Variants in NCAPG2 observed in about 807,000 individuals in gnomAD.
NCAPG2 encodes non-SMC condensin II complex subunit G2.
NCAPG2 carries 53 observed loss-of-function variants against 141.1 expected under a neutral mutation model. The ratio of observed to expected loss-of-function variants is 0.38; its 90% CI spans 0.30 to 0.47. The LOEUF (loss-of-function observed/expected upper bound fraction) is 0.47. NCAPG2 is among the 20% of genes least tolerant of loss of function. The pLI, the probability that NCAPG2 is intolerant of heterozygous loss-of-function variation, is 0.99. For synonymous variants in NCAPG2, 499 were observed against 490.7 expected, an observed-to-expected ratio of 1.02 and a Z score of -0.22; for missense variants, 1,087 against 1,389.0, an observed-to-expected ratio of 0.78 and a Z score of 3.46.
At position 158,693,181 on chromosome 7, in the gene NCAPG2, A is replaced by C. The variant is rs1420098051; in HGVS notation, c.267+128T>G. On this transcript the variant is annotated intron_variant, in intron 3 of 27. Coordinates refer to ENST00000356309, the MANE Select transcript of NCAPG2 (RefSeq NM_017760.7). ...AAGTGAATAAAACTACAACAGACTA[A>C]ACTTCTAAAATTCTTGACTTCTAAC... 3.9e-5 allele frequency: 41 copies of C among 1,051,856 alleles called. 1 individual carries two copies. The highest frequency in any genetic ancestry group is 7.7e-5 in the East Asian group (3 of 39,068). The allele number at this position is 1,051,856 out of a possible 1,614,324, so 65.2% of individuals were successfully genotyped here.
intron 13 of NCAPG2, chr7:158,668,580 G>A: frequency 2.8e-6 from 1 of 357,146 alleles, no homozygotes; most frequent in African/African-American, 2.2e-5. Flanking sequence ...GATAAAACAA[G>A]ATCGGACATA....
intron 9 of NCAPG2, among the ~76,000 whole-genome samples, chr7:158,681,110 C>T (rs1415229716): frequency 6.6e-6 from 1 of 152,154 alleles, no homozygotes; most frequent in Non-Finnish European, 1.5e-5. Flanking sequence ...AGCCACATAA[C>T]CTCAAAAAAA....
chr7:158,637,169 G>A (rs1490766591), intron 27 of NCAPG2, among the ~76,000 whole-genome samples: 8 of 152,042 alleles, frequency 5.3e-5, no homozygotes, highest in African/African-American at 9.7e-5. Flanking sequence ...GGATGGTCTC[G>A]ATCTCCTGAC....
At chr7:158,650,779 C>T in intron 24 of NCAPG2, 53 bp downstream of exon 24, 1 of 1,544,478 alleles carries the variant, frequency 6.5e-7, no homozygotes, top group Non-Finnish European at 8.7e-7. Context: ...GTAGAAACAC[C>T]ATCTTGTGTC....
At chr7:158,672,096 C>T (rs1038241607) in intron 12 of NCAPG2, among the ~76,000 whole-genome samples, 14 of 151,758 alleles carry the variant, frequency 9.2e-5, no homozygotes, top group Admixed American at 8.5e-4. Flanking sequence ...GTGTGTGACT[C>T]GAACGCACTC....
intron 16 of NCAPG2, among the ~76,000 whole-genome samples, chr7:158,659,904 G>A (rs558963924): frequency 1.3e-5 from 2 of 152,208 alleles, no homozygotes; most frequent in Admixed American, 1.3e-4. Context: ...GAGGTCAGGA[G>A]ATCGAGACCA....
In NCAPG2 at chr7:158,631,702, T is replaced by TG; in HGVS notation, c.3395dup (p.Ser1133IlefsTer21). On this transcript the variant is annotated frameshift_variant, in exon 28 of 28. Coordinates refer to ENST00000356309, the MANE Select transcript of NCAPG2 (RefSeq NM_017760.7). LOFTEE classifies it high-confidence loss of function. ...AAAGTTCTCCCAGAGTTCTTGATGA[T>TG]GATTCATAGAGAAATCTGAAACACA... 6.2e-7 allele frequency: 1 copy of TG among 1,600,110 alleles called. No homozygotes were observed.
In NCAPG2 at chr7:158,670,300, TCA is replaced by T. The variant is rs761352833; in HGVS notation, c.1479+1212_1479+1213del. Among the ~76,000 whole-genome samples the T allele has an allele frequency of 1.0e-3, 156 of 152,302 alleles. 1 individual carries two copies. The highest frequency in any genetic ancestry group is 4.8e-3 in the Admixed American group (73 of 15,300). ...CCCATCATTGGCTGGGCACGGTGGC[TCA>T]CACCTGTAATCCCAGCACTTTGGGA... On this transcript the variant is annotated intron_variant, in intron 13 of 27. Coordinates refer to ENST00000356309, the MANE Select transcript of NCAPG2 (RefSeq NM_017760.7).
At chr7:158,679,368 G>T (rs924567332) in intron 11 of NCAPG2, among the ~76,000 whole-genome samples, 4 of 152,170 alleles carry the variant, frequency 2.6e-5, no homozygotes, top group African/African-American at 9.7e-5. Context: ...TAGATGAAAA[G>T]AATCCACAAT....
chr7:158,654,539 A>C, intron 22 of NCAPG2, 56 bp downstream of exon 22: 1 of 1,520,118 alleles, frequency 6.6e-7, no homozygotes, highest in Non-Finnish European at 9.0e-7. Context: ...TAAAGGAGGG[A>C]GGGAGGGAAG....
Position 158,655,127 on chromosome 7 carries a change from T to C in NCAPG2, c.2637A>G (p.Gln879=), listed in dbSNP as rs963162041. The C allele has an allele frequency of 4.3e-6, 7 of 1,609,206 alleles. No individual in the cohort carries two copies. The highest frequency in any genetic ancestry group is 2.7e-5 in the African/African-American group (2 of 74,608). The stretch of plus-strand genomic sequence containing the variant: ...TCTTAAGACTTCTAACCTGGATAAT[T>C]TGCTGATAAATGACCCTATGAAGCT... The part of the protein sequence containing the change: ...YLKLHRVIYQ[Q]IIQTYLTVCK... The change falls in exon 21 of 28, where the codon CAA becomes CAG. Residue 879 remains glutamine (Q), a synonymous_variant. Transcript: ENST00000356309.
intron 6 of NCAPG2, among the ~76,000 whole-genome samples, chr7:158,689,224 A>G (rs1426645450): frequency 2.6e-5 from 4 of 152,230 alleles, no homozygotes; most frequent in East Asian, 1.9e-4. Flanking sequence ...AATATTGTCT[A>G]TTATATTAAG....
At chr7:158,695,853 G>A (rs1018948206) in intron 2 of NCAPG2, among the ~76,000 whole-genome samples, 3 of 152,238 alleles carry the variant, frequency 2.0e-5, no homozygotes, top group Non-Finnish European at 4.4e-5. Context: ...TCCAGCCCCC[G>A]GATGCAGAAG....
chr7:158,676,430 A>G (rs1834055105), intron 11 of NCAPG2, among the ~76,000 whole-genome samples: 1 of 152,246 alleles, frequency 6.6e-6, no homozygotes, highest in Non-Finnish European at 1.5e-5. Flanking sequence ...CATGGGCCTT[A>G]GTTAGAGAAA....
chr7:158,670,154 T>C (rs1471962537), intron 13 of NCAPG2, among the ~76,000 whole-genome samples: 2 of 152,184 alleles, frequency 1.3e-5, no homozygotes, highest in Non-Finnish European at 2.9e-5. Context: ...GCATATGACA[T>C]TGGGTGTTAA....
At chr7:158,679,858 C>T in intron 11 of NCAPG2, 102 bp downstream of exon 11, 1 of 1,431,488 alleles carries the variant, frequency 7.0e-7, no homozygotes, top group Non-Finnish European at 9.4e-7. Context: ...GGGAGCAGAG[C>T]TCTGGCGGTT....
chr7:158,701,537 CA>C (rs1248968697), intron 2 of NCAPG2, among the ~76,000 whole-genome samples: 2 of 152,214 alleles, frequency 1.3e-5, no homozygotes, highest in South Asian at 2.1e-4. Context: ...CAAGTTCAAA[CA>C]CAACAAACCT....
intron 24 of NCAPG2, among the ~76,000 whole-genome samples, chr7:158,647,230 A>G (rs1374671356): frequency 6.6e-6 from 1 of 152,150 alleles, no homozygotes; most frequent in African/African-American, 2.4e-5. Flanking sequence ...AGCACTACTG[A>G]CCTGACCAGC....
chr7:158,680,188 T>C, intron 10 of NCAPG2, 103 bp from the exon 11 acceptor site: 7 of 1,288,458 alleles, frequency 5.4e-6, no homozygotes, highest in Non-Finnish European at 7.5e-6. Flanking sequence ...TTGATACAGA[T>C]TTATTTTCAA....
Sources: allele counts gnomAD v4.1 joint callset (sites outside exome capture counted in the v4.1 genomes callset), GRCh38; gene constraint gnomAD v4.1.1; transcripts MANE v1.5; gene names NCBI Gene and HGNC (gene_info 2026-07-23, HGNC 2026-07-21).